The following ADH6 variants were observed in gnomAD, a reference collection of about 807,000 sequenced individuals.
ADH6 encodes alcohol dehydrogenase 6 (class V).
A neutral mutation model predicts 36.5 loss-of-function variants in ADH6; 34 were observed. The observed-to-expected ratio is 0.93, with a 90% CI of 0.71 to 1.24. The LOEUF is 1.24. Ranked by LOEUF, ADH6 falls within the 50% of genes most tolerant of loss-of-function variation. The probability of loss-of-function intolerance (pLI) is 0.00; values close to 1 mark genes in which losing one functional copy is unlikely to be tolerated. For missense variants in ADH6, 440 were observed against 447.0 expected (o/e 0.98, Z 0.14); for synonymous variants, 161 against 155.5 (o/e 1.04, Z -0.26).
chr4:99,211,214 A>C (rs912409082), intron 3 of ADH6, among the ~76,000 whole-genome samples: 1 of 152,164 alleles, frequency 6.6e-6, no homozygotes, highest in African/African-American at 2.4e-5. Flanking sequence ...ACAAAAGTGA[A>C]AATTATTACT....
At chr4:99,212,784 T>A (rs1314644584) in intron 3 of ADH6, among the ~76,000 whole-genome samples, 2 of 151,848 alleles carry the variant, frequency 1.3e-5, no homozygotes, top group African/African-American at 4.8e-5. Flanking sequence ...TTTGTTTGCC[T>A]TTTTTTATTT....
intron 4 of ADH6, 39 bp from the exon 5 acceptor site, chr4:99,210,337 T>C (rs759876220): frequency 1.2e-5 from 20 of 1,603,566 alleles, no homozygotes; most frequent in South Asian, 1.1e-5. Flanking sequence ...ACAAAGTTTA[T>C]TTTGAATTAG....
chr4:99,210,139 T>G lies in ADH6; in HGVS notation c.510A>C (p.Val170=). 6.2e-7 allele frequency: 1 copy of G among 1,613,834 alleles called. No homozygotes were observed. Among genetic ancestry groups the G allele is most frequent in the Non-Finnish European group, 8.5e-7 (1 of 1,179,796 alleles). Residue 170 remains valine, a synonymous_variant, in exon 5 of 9, where the codon GTA becomes GTC. Coordinates refer to ENST00000394899, the MANE Select transcript of ADH6 (RefSeq NM_001102470.2). ...KIDAVAPLEK[V]CLISCGFSTG... The stretch of plus-strand genomic sequence containing the variant: ...TGGAAAAGCCACAGCTAATTAGGCA[T>G]ACTTTCTCTAGAGGAGCGACTGCAT...
Position 99,219,238 on chromosome 4 carries a change from G to C in ADH6, c.-86C>G. 3 of 1,245,584 alleles carry C rather than the reference G, an allele frequency of 2.4e-6. No homozygotes were observed. Among genetic ancestry groups the C allele is most frequent in the Non-Finnish European group, 3.5e-6 (3 of 853,216 alleles). The allele number at this position is 1,245,584 out of a possible 1,614,324, so 77.2% of individuals were successfully genotyped here. A position where few individuals can be genotyped will look rare whatever the true frequency, so the allele number is the denominator to read the frequency against. ...CTGTAGAAAGTACAAAGGTACACAG[G>C]CGACTGGTAGATCAGAAGGCTGGGT... On this transcript the variant is annotated 5_prime_UTR_variant, in exon 1 of 9. Transcript: ENST00000394899.
chr4:99,204,403 T>G, intron 8 of ADH6, 160 bp from the exon 9 acceptor site: 1 of 1,412,380 alleles, frequency 7.1e-7, no homozygotes, highest in South Asian at 1.6e-5. Context: ...TTTTTTAAAA[T>G]GACATGAAAC....
Position 99,205,011 on chromosome 4 carries a change from C to A in ADH6, c.1017G>T (p.Glu339Asp). 3.7e-6 allele frequency: 6 copies of A among 1,608,588 alleles called. No homozygotes were observed. Among genetic ancestry groups the A allele is most frequent in the South Asian group, 1.1e-5 (1 of 90,248 alleles). The change falls in exon 8 of 9, where the codon GAG becomes GAT. Residue 339 changes from glutamate to aspartate, a missense_variant. Glu to Asp is a conservative substitution (Grantham distance 45). Transcript: ENST00000394899. ...IPKLVADYMAEKLNLDPLITH... is the reference protein window; with the variant it reads ...IPKLVADYMADKLNLDPLITH... ...TAATTAGTGGATCTAGATTCAACTT[C>A]TCTGCCATATAATCAGCAACCAGTT...
At chr4:99,218,239 C>T (rs531849916) in intron 1 of ADH6, among the ~76,000 whole-genome samples, 1 of 152,206 alleles carries the variant, frequency 6.6e-6, no homozygotes, top group South Asian at 2.1e-4. Flanking sequence ...TCAATATATT[C>T]CTCCCTCTGC....
intron 6 of ADH6, 171 bp downstream of exon 6, chr4:99,208,497 G>T: frequency 1.6e-6 from 1 of 634,884 alleles, no homozygotes; most frequent in Non-Finnish European, 2.6e-6. Context: ...TAGTATCTGG[G>T]ATAGTGAACA....
chr4:99,209,413 A>T (rs1037045114), intron 5 of ADH6, among the ~76,000 whole-genome samples: 5 of 151,936 alleles, frequency 3.3e-5, no homozygotes, highest in African/African-American at 9.7e-5. Flanking sequence ...AATTTAAATA[A>T]TTTTTTTCCA....
At position 99,202,752 on chromosome 4, in the gene ADH6, T is replaced by C; in HGVS notation, c.*1467A>G. The C allele has an allele frequency of 2.5e-6, 1 of 398,178 alleles. No individual in the cohort carries two copies. The highest frequency in any genetic ancestry group is 4.4e-5 in the Admixed American group (1 of 22,706). 24.7% of individuals were successfully genotyped at this position (398,178 alleles called of 1,614,324 possible). On this transcript the variant is annotated 3_prime_UTR_variant, in exon 9 of 9. Transcript: ENST00000394899. ...CCCGAAGACTCCTCCAAGTTCTCAC[T>C]GTTAGTAAGGTCAATTTGGGGGCAG...
intron 7 of ADH6, 31 bp downstream of exon 7, chr4:99,207,415 G>C: frequency 6.2e-7 from 1 of 1,611,226 alleles, no homozygotes; most frequent in Non-Finnish European, 8.5e-7. Flanking sequence ...ACCTCCTCAG[G>C]CATTTCCACC....
intron 3 of ADH6, among the ~76,000 whole-genome samples, chr4:99,211,405 C>T (rs1731221761): frequency 6.6e-6 from 1 of 152,170 alleles, no homozygotes; most frequent in African/African-American, 2.4e-5. Flanking sequence ...AGTGCTCCAT[C>T]ATTAACCAGT....
intron 1 of ADH6, among the ~76,000 whole-genome samples, chr4:99,217,207 T>G (rs1394631563): frequency 6.6e-6 from 1 of 151,958 alleles, no homozygotes; most frequent in Non-Finnish European, 1.5e-5. Context: ...GGCTAATTTT[T>G]TTGTATTTTT....
At position 99,208,781 on chromosome 4, in the gene ADH6, T is replaced by G; in HGVS notation, c.715A>C (p.Thr239Pro). The G allele has an allele frequency of 6.2e-7, 1 of 1,613,846 alleles. No individual in the cohort carries two copies. The highest frequency in any genetic ancestry group is 1.1e-5 in the South Asian group (1 of 91,076). Residue 239 changes from threonine to proline, a missense_variant, in exon 6 of 9, where the codon ACT becomes CCT. Transcript: ENST00000394899. Reference protein sequence around the residue: ...KFKKAQELGATECLNPQDLKK... With the variant: ...KFKKAQELGAPECLNPQDLKK... Reference sequence around the variant, plus strand: ...AAGTCCTGAGGGTTGAGGCACTCAGTAGCACCCAATTCCTGTGCCTTCTTA... The same window carrying G: ...AAGTCCTGAGGGTTGAGGCACTCAGGAGCACCCAATTCCTGTGCCTTCTTA...
chr4:99,213,205 A>C (rs1318924071), intron 3 of ADH6, among the ~76,000 whole-genome samples: 1 of 152,184 alleles, frequency 6.6e-6, no homozygotes, highest in East Asian at 1.9e-4. Flanking sequence ...CTCATGCTGC[A>C]TTAACTTCTT....
intron 6 of ADH6, 108 bp from the exon 7 acceptor site, chr4:99,207,689 C>T (rs1731084660): frequency 8.8e-7 from 1 of 1,139,510 alleles, no homozygotes; most frequent in Non-Finnish European, 1.2e-6. Flanking sequence ...ACTTTCTTTT[C>T]TGATTCTCCC....
Position 99,204,207 on chromosome 4 carries a change from A to G in ADH6, c.*12T>C, listed in dbSNP as rs766801593. ...GAAATATCCTTTGGGTCTTGCATGT[A>G]TTACATTGTACTTAAAGTAACAGGA... is the stretch of plus-strand genomic sequence containing the variant. On this transcript the variant is annotated 3_prime_UTR_variant, in exon 9 of 9. Transcript: ENST00000394899. 6 of 1,600,754 alleles carry G rather than the reference A, an allele frequency of 3.7e-6. No homozygotes were observed. The highest frequency in any genetic ancestry group is 5.1e-6 in the Non-Finnish European group (6 of 1,177,426).
Position 99,210,598 on chromosome 4 carries a change from A to G in ADH6, c.263-96T>C. 7 of 882,392 alleles carry G rather than the reference A, an allele frequency of 7.9e-6. No individual in the cohort carries two copies. The South Asian group carries it at 9.2e-5, about 12-fold the overall frequency. The allele number at this position is 882,392 out of a possible 1,614,324, so 54.7% of individuals were successfully genotyped here. ...TTTGACAGCAAGGCACCCAAGAAGAAATGACAGCTGAAAATTATTTCCACA... is the reference window on the plus strand; with the variant it reads ...TTTGACAGCAAGGCACCCAAGAAGAGATGACAGCTGAAAATTATTTCCACA... On this transcript the variant is annotated intron_variant, in intron 3 of 8. Coordinates refer to ENST00000394899, the MANE Select transcript of ADH6 (RefSeq NM_001102470.2).
At chr4:99,216,117 C>G in intron 2 of ADH6, 44 bp downstream of exon 2, 1 of 1,200,124 alleles carries the variant, frequency 8.3e-7, no homozygotes, top group Non-Finnish European at 1.1e-6. Context: ...GAAGCTCTGG[C>G]TTTTGGCTTT....
Sources: allele counts gnomAD v4.1 joint callset (sites outside exome capture counted in the v4.1 genomes callset), GRCh38; gene constraint gnomAD v4.1.1; transcripts MANE v1.5; gene names NCBI Gene and HGNC (gene_info 2026-07-23, HGNC 2026-07-21).